CNTNAP2: variants seen among roughly 807,000 people sequenced by gnomAD.
CNTNAP2 encodes contactin associated protein 2.
CNTNAP2 carries 98 observed loss-of-function variants against 155.2 expected under a neutral mutation model. The observed-to-expected ratio is 0.63, with a 90% confidence interval of 0.54 to 0.75. CNTNAP2 has a LOEUF of 0.75. CNTNAP2 is among the 30% of genes least tolerant of loss of function. The pLI is 0.00. For missense variants in CNTNAP2, 1,727 were observed against 1,688.1 expected (o/e 1.02, Z -0.40); for synonymous variants, 651 against 631.2 (o/e 1.03, Z -0.47).
intron 3 of CNTNAP2, among the ~76,000 whole-genome samples, chr7:146,978,345 G>C (rs1357297194): frequency 2.6e-5 from 4 of 152,088 alleles, no homozygotes; most frequent in Non-Finnish European, 5.9e-5. Context: ...GCTGTGCCAG[G>C]CTGCACATGG....
intron 9 of CNTNAP2, among the ~76,000 whole-genome samples, chr7:147,350,146 C>T (rs1795944567): frequency 6.6e-6 from 1 of 151,768 alleles, no homozygotes; most frequent in African/African-American, 2.4e-5. Flanking sequence ...ATAGAAATAA[C>T]TGAAGTAAGA....
intron 15 of CNTNAP2, among the ~76,000 whole-genome samples, chr7:148,100,151 T>A (rs2116579132): frequency 6.6e-6 from 1 of 152,262 alleles, no homozygotes; most frequent in South Asian, 2.1e-4. Context: ...ATTACAGGTG[T>A]GAGACACCGC....
intron 4 of CNTNAP2, chr7:147,083,089 G>A (rs935823318): frequency 1.3e-5 from 2 of 152,148 alleles, no homozygotes; most frequent in Non-Finnish European, 2.9e-5. Context: ...GTAGCGGCAA[G>A]GAAATGGGAT....
chr7:147,494,411 A>G (rs751734879), intron 11 of CNTNAP2, among the ~76,000 whole-genome samples: 1 of 144,204 alleles, frequency 6.9e-6, no homozygotes, highest in African/African-American at 2.6e-5. Flanking sequence ...TTTAATTTCA[A>G]TTTTGCAAAG....
At chr7:146,962,742 G>C (rs1797579833) in intron 3 of CNTNAP2, 2 of 152,152 alleles carry the variant, frequency 1.3e-5, no homozygotes, top group African/African-American at 2.4e-5. Flanking sequence ...GTAGAGACAG[G>C]GTTTTGCCAT....
intron 21 of CNTNAP2, among the ~76,000 whole-genome samples, chr7:148,303,374 C>G (rs1436404461): frequency 6.6e-6 from 1 of 152,092 alleles, no homozygotes. Context: ...AGTGACATAG[C>G]CAGGCAGAGA....
At chr7:147,565,164 A>G (rs1800145265) in intron 12 of CNTNAP2, among the ~76,000 whole-genome samples, 1 of 152,206 alleles carries the variant, frequency 6.6e-6, no homozygotes, top group Non-Finnish European at 1.5e-5. Context: ...AAAGGAGGCA[A>G]GCACTCAAAA....
intron 13 of CNTNAP2, among the ~76,000 whole-genome samples, chr7:147,777,108 T>C (rs1489466763): frequency 6.6e-6 from 1 of 152,118 alleles, no homozygotes; most frequent in Admixed American, 6.5e-5. Context: ...GTTGTTGGTA[T>C]ATGTTATAAT....
intron 1 of CNTNAP2, among the ~76,000 whole-genome samples, chr7:146,624,737 A>G (rs1169498757): frequency 6.6e-6 from 1 of 151,890 alleles, no homozygotes; most frequent in African/African-American, 2.4e-5. Context: ...AGTTTTAGAC[A>G]TGGTTTGTTA....
chr7:147,872,578 G>T (rs1047431777), intron 13 of CNTNAP2, among the ~76,000 whole-genome samples: 4 of 152,060 alleles, frequency 2.6e-5, no homozygotes, highest in African/African-American at 9.7e-5. Flanking sequence ...AGGATTTTTG[G>T]TGTTTTGGCC....
In CNTNAP2 at chr7:148,029,530, A is replaced by G. The variant is rs575194278; in HGVS notation, c.2383+51541A>G. 2.1e-4 allele frequency among the ~76,000 whole-genome samples: 32 copies of G among 152,370 alleles called. No homozygotes were observed. In the South Asian group the frequency reaches 5.6e-3, roughly 27 times the overall value. ...AGACACAAGTTACATAGCTGCTGAA[A>G]TGAAACTATACAACAATTTCTCTAT... On this transcript the variant is annotated intron_variant, in intron 15 of 23. Coordinates refer to ENST00000361727, the MANE Select transcript of CNTNAP2 (RefSeq NM_014141.6).
At chr7:147,258,222 AT>A (rs1448226951) in intron 8 of CNTNAP2, among the ~76,000 whole-genome samples, 1 of 152,116 alleles carries the variant, frequency 6.6e-6, no homozygotes, top group Non-Finnish European at 1.5e-5. Context: ...TTTTTAAATT[AT>A]TTTTTAATTG....
At chr7:147,202,964 A>G (rs989637614) in intron 8 of CNTNAP2, among the ~76,000 whole-genome samples, 5 of 151,736 alleles carry the variant, frequency 3.3e-5, no homozygotes, top group Non-Finnish European at 5.9e-5. Context: ...CAAATATTCC[A>G]TAAGTCTGAT....
intron 1 of CNTNAP2, among the ~76,000 whole-genome samples, chr7:146,240,931 A>T (rs1216948547): frequency 6.6e-6 from 1 of 152,134 alleles, no homozygotes; most frequent in African/African-American, 2.4e-5. Context: ...GCTTCTGGGG[A>T]GGCCTCAGGG....
intron 1 of CNTNAP2, among the ~76,000 whole-genome samples, chr7:146,125,883 A>T (rs1209939265): frequency 1.3e-5 from 2 of 152,164 alleles, no homozygotes; most frequent in African/African-American, 4.8e-5. Flanking sequence ...TCAATCAATG[A>T]GTGTCCTTTT....
intron 21 of CNTNAP2, among the ~76,000 whole-genome samples, chr7:148,292,228 G>A (rs1241723700): frequency 6.6e-6 from 1 of 152,154 alleles, no homozygotes; most frequent in Non-Finnish European, 1.5e-5. Flanking sequence ...TGCCCAGGAG[G>A]ACAAAGGGAA....
chr7:146,722,244 A>T (rs1335105498), intron 1 of CNTNAP2, among the ~76,000 whole-genome samples: 2 of 151,986 alleles, frequency 1.3e-5, no homozygotes, highest in African/African-American at 4.8e-5. Flanking sequence ...GAGCTGTACA[A>T]CAGGAACAAT....
intron 1 of CNTNAP2, among the ~76,000 whole-genome samples, chr7:146,129,745 A>G (rs905402095): frequency 7.2e-5 from 11 of 152,142 alleles, no homozygotes; most frequent in Non-Finnish European, 1.6e-4. Context: ...TGCTTTCTTA[A>G]TTTCAAAATT....
chr7:148,189,994 A>G (rs893680491), intron 18 of CNTNAP2: 1 of 152,228 alleles, frequency 6.6e-6, no homozygotes, highest in Non-Finnish European at 1.5e-5. Flanking sequence ...GACGGCTGCC[A>G]CAAAAGCTCT....
Sources: gnomAD v4.1 joint callset for allele counts (sites outside exome capture counted in the v4.1 genomes callset) on GRCh38, gnomAD v4.1.1 for gene constraint, MANE v1.5 for transcripts, NCBI Gene and HGNC (gene_info 2026-07-23, HGNC 2026-07-21) for gene names.